Variants in RIMS3 observed in about 807,000 individuals in gnomAD.
The protein encoded by RIMS3 is regulating synaptic membrane exocytosis 3.
RIMS3 carries 15 observed loss-of-function variants against 29.2 expected under a neutral mutation model. The observed-to-expected ratio is 0.51, with a 90% confidence interval of 0.34 to 0.79. RIMS3 has a LOEUF of 0.79. RIMS3 is among the 30% of genes least tolerant of loss of function. The pLI, the probability that RIMS3 is intolerant of heterozygous loss-of-function variation, is 0.01. For synonymous variants in RIMS3, 161 were observed against 170.1 expected (o/e 0.95, Z 0.41); for missense variants, 342 against 421.4 (o/e 0.81, Z 1.65).
At chr1:40,690,396 CT>C in the RIMS3 span, 1 of 151,632 alleles carries the variant, frequency 6.6e-6, no homozygotes, top group African/African-American at 2.4e-5. Flanking sequence ...GGGCCTCGCA[CT>C]GTCGCCCATG....
upstream of RIMS3, among the ~76,000 whole-genome samples, chr1:40,668,084 CAACTA>C (rs1642446584): frequency 6.6e-6 from 1 of 152,016 alleles, no homozygotes; most frequent in Non-Finnish European, 1.5e-5. Flanking sequence ...AACCCTGTCT[CAACTA>C]AAAATACAAA....
At chr1:40,682,843 C>T in the RIMS3 span, among the ~76,000 whole-genome samples, 26 of 147,906 alleles carry the variant, frequency 1.8e-4, no homozygotes, top group East Asian at 5.0e-3. Context: ...CGGGTTCAAG[C>T]GATTCTCCTG....
At chr1:40,648,486 C>T (rs962356614) in intron 1 of RIMS3, among the ~76,000 whole-genome samples, 1 of 152,232 alleles carries the variant, frequency 6.6e-6, no homozygotes, top group African/African-American at 2.4e-5. Context: ...GCTTCCTTAA[C>T]AAATCCCCTG....
upstream of RIMS3, among the ~76,000 whole-genome samples, chr1:40,666,346 C>T (rs1208527326): frequency 6.6e-6 from 1 of 152,226 alleles, no homozygotes; most frequent in Non-Finnish European, 1.5e-5. Flanking sequence ...GAGGTTGCTA[C>T]TGGCGTCTCA....
At chr1:40,674,985 G>A in the RIMS3 span, among the ~76,000 whole-genome samples, 1 of 152,302 alleles carries the variant, frequency 6.6e-6, no homozygotes. Context: ...GTTGTCCCAG[G>A]CATGGCGCCT....
At position 40,631,665 on chromosome 1, in the gene RIMS3, G is replaced by A. The variant is rs752855879; in HGVS notation, c.472+1404C>T. 1.2e-4 allele frequency among the ~76,000 whole-genome samples: 18 copies of A among 151,426 alleles called. 1 individual carries two copies. The highest frequency in any genetic ancestry group is 1.3e-4 in the Non-Finnish European group (9 of 67,858). ...TTGCACTCCAGCCTGGTGACAGAGC[G>A]AGGCTCTGTCTCTAAATAAATAAAT... On this transcript the variant is annotated intron_variant, in intron 5 of 7. Coordinates refer to ENST00000372684, the MANE Select transcript of RIMS3 (RefSeq NM_014747.3).
intron 1 of RIMS3, among the ~76,000 whole-genome samples, chr1:40,652,440 T>G (rs1382443880): frequency 6.6e-6 from 1 of 152,210 alleles, no homozygotes. Flanking sequence ...CTGGTTGTTC[T>G]GCAGAAACAG....
chr1:40,634,052 A>G (rs1329145139), intron 4 of RIMS3, among the ~76,000 whole-genome samples: 1 of 152,156 alleles, frequency 6.6e-6, no homozygotes, highest in African/African-American at 2.4e-5. Flanking sequence ...GCTCCAGTCT[A>G]GATATTCTGG....
rs374959684 is a variant in RIMS3 at position 40,636,990 on chromosome 1, G to A, written c.218-933C>T. 3.3e-5 allele frequency among the ~76,000 whole-genome samples: 5 copies of A among 152,208 alleles called. No individual in the cohort carries two copies. The highest frequency in any genetic ancestry group is 6.5e-5 in the Admixed American group (1 of 15,286). On this transcript the variant is annotated intron_variant, in intron 3 of 7. Transcript: ENST00000372684. This position sits in a 1 kb window ranked among gnomAD's most constrained non-coding sequence, Gnocchi z 4.2. ...CTGAGGGTTTGCAGGGACTTCCCCC[G>A]CTGAAGCTTGGCAGCTGGAGGAACT...
intron 5 of RIMS3, 74 bp downstream of exon 5, chr1:40,632,995 G>T: frequency 8.8e-7 from 1 of 1,138,740 alleles, no homozygotes; most frequent in African/African-American, 1.5e-5. Flanking sequence ...GCCAATGCAG[G>T]GCCCCCACTG....
chr1:40,681,298 C>A, the RIMS3 span, among the ~76,000 whole-genome samples: 2 of 152,098 alleles, frequency 1.3e-5, no homozygotes, highest in South Asian at 2.1e-4. Flanking sequence ...GGCAAGAAGG[C>A]AAGTAGTGAG....
At position 40,623,218 on chromosome 1, in the gene RIMS3, A is replaced by G; in HGVS notation, c.*3299T>C. 2.5e-6 allele frequency: 1 copy of G among 392,714 alleles called. No individual in the cohort carries two copies. The highest frequency in any genetic ancestry group is 4.4e-5 in the Admixed American group (1 of 22,542). The allele number at this position is 392,714 out of a possible 1,614,324, so 24.3% of individuals were successfully genotyped here. On this transcript the variant is annotated 3_prime_UTR_variant, in exon 8 of 8. Coordinates refer to ENST00000372684, the MANE Select transcript of RIMS3 (RefSeq NM_014747.3). ...AGAGCCTCCTAAGTGCTCCTTTCCT[A>G]GTAGAATTGGGTGGTAGAAGAAACC...
chr1:40,680,492 C>T, the RIMS3 span, among the ~76,000 whole-genome samples: 2 of 151,894 alleles, frequency 1.3e-5, no homozygotes, highest in Non-Finnish European at 2.9e-5. Context: ...CCACCATACC[C>T]GGCTAATTTT....
At chr1:40,641,688 T>C (rs491619) in intron 3 of RIMS3, 21 bp downstream of exon 3, 1,227,134 of 1,612,042 alleles carry the variant, frequency 0.76, 472,294 homozygotes, top group African/African-American at 0.9. Flanking sequence ...CTCTACCCCG[T>C]GATGTCCCAT....
At chr1:40,691,622 C>T in the RIMS3 span, 6 of 402,498 alleles carry the variant, frequency 1.5e-5, no homozygotes, top group African/African-American at 1.1e-4. Context: ...CTCGCGAGAC[C>T]TCAAGGAGCA....
the RIMS3 span, among the ~76,000 whole-genome samples, chr1:40,671,889 A>ATTGG: frequency 6.6e-6 from 1 of 151,496 alleles, no homozygotes; most frequent in Non-Finnish European, 1.5e-5. Flanking sequence ...CAGTCTCCCA[A>ATTGG]GTAGCTGTGA....
At chr1:40,641,296 G>C (rs1161718738) in intron 3 of RIMS3, among the ~76,000 whole-genome samples, 1 of 152,198 alleles carries the variant, frequency 6.6e-6, no homozygotes, top group African/African-American at 2.4e-5. Flanking sequence ...TTATGGATGT[G>C]TATGTCTGTA....
the RIMS3 span, among the ~76,000 whole-genome samples, chr1:40,675,508 AG>A: frequency 9.2e-5 from 14 of 152,170 alleles, no homozygotes; most frequent in Middle Eastern, 3.2e-3. Context: ...CTGTAATCCC[AG>A]CACTTTGGGA....
In RIMS3 at chr1:40,625,737, T is replaced by C. The variant is rs1462772709; in HGVS notation, c.*780A>G. ...GAAGAGACAGGAGATGAAGAACAAA[T>C]GCTAAGGGGGCACCTGGCCAGGAAC... On this transcript the variant is annotated 3_prime_UTR_variant, in exon 8 of 8. Transcript: ENST00000372684. The C allele has an allele frequency of 2.0e-5, 3 of 152,504 alleles. No individual in the cohort carries two copies. Among genetic ancestry groups the C allele is most frequent in the East Asian group, 1.9e-4 (1 of 5,164 alleles). The allele number at this position is 152,504 out of a possible 1,614,324, so 9.4% of individuals were successfully genotyped here.
Sources: allele counts gnomAD v4.1 joint callset (sites outside exome capture counted in the v4.1 genomes callset), GRCh38; gene constraint gnomAD v4.1.1; non-coding constraint Gnocchi (gnomAD v3.1); transcripts MANE v1.5; gene names NCBI Gene and HGNC (gene_info 2026-07-23, HGNC 2026-07-21).